Variants in HP1BP3 observed in about 807,000 individuals in gnomAD.
HP1BP3 encodes the protein heterochromatin protein 1-binding protein 3.
Under a neutral mutation model 62.5 loss-of-function variants are expected in HP1BP3, and 12 were observed. The observed-to-expected ratio is 0.19, with a 90% CI of 0.12 to 0.31. The LOEUF (loss-of-function observed/expected upper bound fraction) is 0.31. Ranked by LOEUF, HP1BP3 falls within the 10% of genes least tolerant of loss-of-function variation. The pLI is 1.00. For missense variants in HP1BP3, 502 were observed against 651.8 expected (o/e 0.77, Z 2.50); for synonymous variants, 260 against 237.8 (o/e 1.09, Z -0.86).
intron 5 of HP1BP3, 135 bp from the exon 6 acceptor site, chr1:20,771,208 C>T (rs1242039468): frequency 1.5e-6 from 1 of 665,966 alleles, no homozygotes; most frequent in Non-Finnish European, 2.6e-6. Flanking sequence ...CTTCAGAAGA[C>T]TTCAGTTCAT....
rs1374696069 is a variant in HP1BP3 at position 20,767,672 on chromosome 1, AAATT to A, written c.655-12_655-9del. On this transcript the variant is annotated splice_polypyrimidine_tract_variant and intron_variant, in intron 6 of 12. Transcript: ENST00000438032. ...AGCACCTTTTCCTTTAACCTAAAGTAAATTAATTTTTGTTATTCTAGTATTCATA... is the reference window on the plus strand; with the variant it reads ...AGCACCTTTTCCTTTAACCTAAAGTAAATTTTTGTTATTCTAGTATTCATA... 1 of 1,580,530 alleles carries A rather than the reference AAATT, an allele frequency of 6.3e-7. No individual in the cohort carries two copies. Among genetic ancestry groups the A allele is most frequent in the African/African-American group, 1.4e-5 (1 of 73,280 alleles).
intron 9 of HP1BP3, chr1:20,755,369 C>A: frequency 2.2e-6 from 1 of 453,102 alleles, no homozygotes; most frequent in Non-Finnish European, 4.4e-6. Flanking sequence ...CCCAGGAGTT[C>A]AAGAGTAGCC....
chr1:20,751,473 C>A (rs2055746947), intron 9 of HP1BP3, among the ~76,000 whole-genome samples: 1 of 151,642 alleles, frequency 6.6e-6, no homozygotes, highest in South Asian at 2.1e-4. Flanking sequence ...ATCTGTAATC[C>A]CAGTACTTTG....
chr1:20,773,832 AG>A, intron 4 of HP1BP3: 1 of 367,228 alleles, frequency 2.7e-6, no homozygotes, highest in South Asian at 7.2e-5. Context: ...TGCAGGAGAA[AG>A]GAGTCACATA....
chr1:20,757,500 T>C (rs2056193617), intron 8 of HP1BP3, among the ~76,000 whole-genome samples: 1 of 151,762 alleles, frequency 6.6e-6, no homozygotes, highest in Non-Finnish European at 1.5e-5. Context: ...GCCTCCCGAG[T>C]AGCTGGGATA....
chr1:20,759,880 ATT>A (rs71014104), intron 8 of HP1BP3, among the ~76,000 whole-genome samples: 53 of 113,002 alleles, frequency 4.7e-4, no homozygotes, highest in Admixed American at 1.1e-3. Context: ...TTAAAGACCG[ATT>A]TTTTTTTTTT....
At chr1:20,758,774 G>A (rs187153791) in intron 8 of HP1BP3, among the ~76,000 whole-genome samples, 4 of 151,362 alleles carry the variant, frequency 2.6e-5, no homozygotes, top group Non-Finnish European at 4.4e-5. Flanking sequence ...TCAGCCTCCC[G>A]AGTAGTTGGG....
chr1:20,769,092 AT>A (rs770923841), intron 6 of HP1BP3, among the ~76,000 whole-genome samples: 24 of 152,080 alleles, frequency 1.6e-4, no homozygotes, highest in Admixed American at 6.6e-4. Context: ...GTCAACGATA[AT>A]TTTGTTTTAT....
chr1:20,764,422 C>A (rs1040229946), intron 8 of HP1BP3, among the ~76,000 whole-genome samples: 1 of 151,582 alleles, frequency 6.6e-6, no homozygotes, highest in African/African-American at 2.4e-5. Context: ...CGGCTCACTG[C>A]GAACTCCACC....
At chr1:20,770,791 A>G (rs528301990) in intron 6 of HP1BP3, 139 bp downstream of exon 6, 1 of 631,924 alleles carries the variant, frequency 1.6e-6, no homozygotes, top group Non-Finnish European at 2.5e-6. Context: ...AGATAATTCA[A>G]CTAGGTTAAA....
chr1:20,767,964 T>G (rs892598098), intron 6 of HP1BP3, among the ~76,000 whole-genome samples: 3 of 152,094 alleles, frequency 2.0e-5, no homozygotes, highest in Non-Finnish European at 4.4e-5. Flanking sequence ...TTAAAAACTT[T>G]CAAAATGAAA....
chr1:20,770,583 G>A (rs903363195), intron 6 of HP1BP3, among the ~76,000 whole-genome samples: 1 of 152,096 alleles, frequency 6.6e-6, no homozygotes, highest in African/African-American at 2.4e-5. Context: ...CCAAGGTGCT[G>A]GGACTACAGG....
rs1189044932 is a variant in HP1BP3, at chr1:20,780,358, TC to T, written c.82del (p.Asp28ThrfsTer3). Reference sequence around the variant, plus strand: ...GTCAGCCCCTACCTCACCTAACTTGTCCGCGTGGATCAGCTGAGCTCCTACT... The same window carrying T: ...GTCAGCCCCTACCTCACCTAACTTGTCGCGTGGATCAGCTGAGCTCCTACT... ...LIVGAQLIHA[D>X]KLGEKVEDST... is the part of the protein sequence containing the mutation. On this transcript the variant is annotated frameshift_variant, in exon 2 of 13. Coordinates refer to ENST00000438032, the MANE Select transcript of HP1BP3 (RefSeq NM_001372052.1). LOFTEE classifies it high-confidence loss of function. The T allele has an allele frequency of 6.2e-7, 1 of 1,613,026 alleles. No individual in the cohort carries two copies. Among genetic ancestry groups the T allele is most frequent in the Non-Finnish European group, 8.5e-7 (1 of 1,179,108 alleles).
intron 8 of HP1BP3, among the ~76,000 whole-genome samples, chr1:20,764,281 ATTAT>A (rs1306887918): frequency 1.3e-5 from 2 of 151,724 alleles, no homozygotes; most frequent in Admixed American, 1.3e-4. Context: ...GCTGTACTTC[ATTAT>A]TTAGTTATTA....
At chr1:20,764,014 AC>A (rs2056630963) in intron 8 of HP1BP3, among the ~76,000 whole-genome samples, 1 of 152,054 alleles carries the variant, frequency 6.6e-6, no homozygotes, top group African/African-American at 2.4e-5. Flanking sequence ...TTAACCCAAT[AC>A]TAGACTCAAA....
In HP1BP3 at chr1:20,759,880, A is replaced by ATTT. The variant is rs71014104; in HGVS notation, c.891-2627_891-2625dup. Among the ~76,000 whole-genome samples, 834 of 112,978 alleles carry ATTT rather than the reference A, an allele frequency of 7.4e-3. 11 individuals carry two copies. Among genetic ancestry groups the ATTT allele is most frequent in the Non-Finnish European group, 9.7e-3 (554 of 57,024 alleles). The allele number at this position is 112,978 out of a possible 152,430, so 74.1% of individuals were successfully genotyped here. On this transcript the variant is annotated intron_variant, in intron 8 of 12. Transcript: ENST00000438032. Reference sequence around the variant, plus strand: ...GCCTTGTGGGCCATTTTAAAGACCGATTTTTTTTTTTTTTTTTTTTTGCCC... The same window carrying ATTT: ...GCCTTGTGGGCCATTTTAAAGACCGATTTTTTTTTTTTTTTTTTTTTTTTGCCC...
At chr1:20,759,884 T>TA (rs1233975517) in intron 8 of HP1BP3, among the ~76,000 whole-genome samples, 2 of 146,372 alleles carry the variant, frequency 1.4e-5, no homozygotes, top group Non-Finnish European at 3.0e-5. Context: ...AGACCGATTT[T>TA]TTTTTTTTTT....
At chr1:20,774,000 C>G (rs2057178470) in intron 4 of HP1BP3, 1 of 154,616 alleles carries the variant, frequency 6.5e-6, no homozygotes, top group African/African-American at 2.4e-5. Context: ...CAAACATTTA[C>G]TAGCTAGCTA....
At position 20,776,748 on chromosome 1, in the gene HP1BP3, G is replaced by C; in HGVS notation, c.199C>G (p.Pro67Ala). 1 of 1,606,068 alleles carries C rather than the reference G, an allele frequency of 6.2e-7. No homozygotes were observed. Among genetic ancestry groups the C allele is most frequent in the Non-Finnish European group, 8.5e-7 (1 of 1,176,924 alleles). The change falls in exon 4 of 13, where the codon CCA becomes GCA. Residue 67 changes from proline to alanine, a missense_variant and splice_region_variant. By Grantham distance (27) the Pro-to-Ala change is conservative. Around this residue, in one of 5 missense-constraint regions of HP1BP3, gnomAD observed 165 missense variants for 156.4 expected, o/e 1.05. Transcript: ENST00000438032. ...LAEGEEEKPE[P>A]DISSEESVST... Reference sequence around the variant, plus strand: ...ACAGATTCCTCTGAACTTATGTCTGGTTCTAAAAAATCAGGTGAGCAGAAT... The same window carrying C: ...ACAGATTCCTCTGAACTTATGTCTGCTTCTAAAAAATCAGGTGAGCAGAAT...
Sources: gnomAD v4.1 joint callset for allele counts (sites outside exome capture counted in the v4.1 genomes callset) on GRCh38, gnomAD v4.1.1 for gene constraint, gnomAD v4.1.1 regional missense constraint, MANE v1.5 for transcripts, NCBI Gene and HGNC (gene_info 2026-07-23, HGNC 2026-07-21) for gene names.